FOXN1: variants seen among roughly 807,000 people sequenced by gnomAD.
The protein encoded by FOXN1 is forkhead box protein N1.
Under a neutral mutation model 49.0 loss-of-function variants are expected in FOXN1, and 15 were observed. That is an observed-to-expected ratio of 0.31 (90% confidence interval 0.20 to 0.47). The LOEUF is 0.47. Among genes scored for constraint, FOXN1 ranks in the 20% least tolerant of loss-of-function variants. FOXN1 has a pLI of 1.00. For missense variants in FOXN1, 800 were observed against 842.8 expected, an observed-to-expected ratio of 0.95 and a Z score of 0.63; for synonymous variants, 356 against 369.0, an observed-to-expected ratio of 0.96 and a Z score of 0.40.
chr17:28,528,612 G>A (rs904721287), intron 4 of FOXN1, among the ~76,000 whole-genome samples: 18 of 152,048 alleles, frequency 1.2e-4, no homozygotes, highest in Admixed American at 3.9e-4. Context: ...TCCCTTTGCC[G>A]TAAAACCACC....
intron 1 of FOXN1, among the ~76,000 whole-genome samples, chr17:28,515,357 C>T (rs2069473574): frequency 1.3e-5 from 2 of 150,682 alleles, no homozygotes; most frequent in African/African-American, 2.4e-5. Flanking sequence ...CCACAGAGTA[C>T]ACCCCTTCAT....
Position 28,524,987 on chromosome 17 carries a change from G to T in FOXN1, c.588+20G>T, listed in dbSNP as rs1487795944. The T allele has an allele frequency of 2.6e-6, 4 of 1,558,958 alleles. No individual in the cohort carries two copies. Among genetic ancestry groups the T allele is most frequent in the Non-Finnish European group, 3.5e-6 (4 of 1,139,144 alleles). On this transcript the variant is annotated intron_variant, in intron 3 of 8. Transcript: ENST00000579795. ...GTCCTGGTGAGTACTAGTGGCCAGC[G>T]AGTGTCCCATCTTCCCACTGTCCCA... is the stretch of plus-strand genomic sequence containing the variant.
chr17:28,533,257 G>A (rs530277621), intron 6 of FOXN1, among the ~76,000 whole-genome samples: 27 of 152,262 alleles, frequency 1.8e-4, no homozygotes, highest in African/African-American at 6.3e-4. Context: ...GAGCCCCACC[G>A]GCCAGAGCGA....
intron 1 of FOXN1, among the ~76,000 whole-genome samples, chr17:28,523,605 A>G (rs2069686856): frequency 6.6e-6 from 1 of 152,176 alleles, no homozygotes; most frequent in African/African-American, 2.4e-5. Context: ...TTGAGGAGCC[A>G]GAGGCAGAGC....
chr17:28,509,403 A>G (rs1439253021), intron 1 of FOXN1, among the ~76,000 whole-genome samples: 1 of 149,182 alleles, frequency 6.7e-6, no homozygotes, highest in East Asian at 2.0e-4. Context: ...CCCACCTCCA[A>G]CCACACTCCT....
chr17:28,512,667 A>T (rs1351019539), intron 1 of FOXN1, among the ~76,000 whole-genome samples: 10 of 152,160 alleles, frequency 6.6e-5, no homozygotes, highest in African/African-American at 2.4e-4. Context: ...AGGGGGTTTT[A>T]TGTTTTTGGA....
At position 28,524,545 on chromosome 17, in the gene FOXN1, C is replaced by T; in HGVS notation, c.166C>T (p.Pro56Ser). ...CTGCTCGTCATTTGTGTCCGACGGCCCTCCAGAGAGGACACCCTCACTGCC... is the reference window on the plus strand; with the variant it reads ...CTGCTCGTCATTTGTGTCCGACGGCTCTCCAGAGAGGACACCCTCACTGCC... ...FSCSSFVSDGPPERTPSLPPH... is the reference protein window; with the variant it reads ...FSCSSFVSDGSPERTPSLPPH... The change falls in exon 3 of 9, where the codon CCT becomes TCT. Residue 56 changes from proline (P) to serine (S), a missense_variant. By Grantham distance (74) the Pro-to-Ser change is moderately conservative. Transcript: ENST00000579795. The T allele has an allele frequency of 1.2e-6, 2 of 1,613,760 alleles. No individual in the cohort carries two copies. The highest frequency in any genetic ancestry group is 1.6e-4 in the Middle Eastern group (1 of 6,062).
chr17:28,513,280 C>CA (rs1300762128), intron 1 of FOXN1, among the ~76,000 whole-genome samples: 20 of 151,826 alleles, frequency 1.3e-4, no homozygotes, highest in African/African-American at 2.9e-4. Flanking sequence ...AACAAACAAA[C>CA]AAAAAAAACC....
intron 1 of FOXN1, among the ~76,000 whole-genome samples, chr17:28,519,914 C>T (rs1282822553): frequency 1.3e-5 from 2 of 152,138 alleles, no homozygotes; most frequent in Middle Eastern, 3.2e-3. Flanking sequence ...GGGGAGTTCC[C>T]TTCCTGATGC....
rs576060944 is a variant in FOXN1, at chr17:28,516,090, G to T, written c.-14-7866G>T. On this transcript the variant is annotated intron_variant, in intron 1 of 8. Coordinates refer to ENST00000579795, the MANE Select transcript of FOXN1 (RefSeq NM_001369369.1). ...CTCCACAGGATCCATACCTCCACAG[G>T]GTACACATCTCCACAGGGTACACAC... Among the ~76,000 whole-genome samples, 7 of 148,314 alleles carry T rather than the reference G, an allele frequency of 4.7e-5. No individual in the cohort carries two copies. The South Asian group carries it at 1.3e-3, about 27-fold the overall frequency.
intron 1 of FOXN1, among the ~76,000 whole-genome samples, chr17:28,514,650 C>A (rs1173024200): frequency 6.6e-6 from 1 of 152,136 alleles, no homozygotes; most frequent in South Asian, 2.1e-4. Flanking sequence ...GCCGGCCGAG[C>A]CCCACCCCTC....
chr17:28,533,275 A>C (rs1459490357), intron 6 of FOXN1, among the ~76,000 whole-genome samples: 1 of 152,118 alleles, frequency 6.6e-6, no homozygotes, highest in African/African-American at 2.4e-5. Flanking sequence ...CGAGTGCCCT[A>C]CCCACAGTCA....
In FOXN1 at chr17:28,527,342, C is replaced by T; in HGVS notation, c.680C>T (p.Ser227Phe). 1 of 1,610,922 alleles carries T rather than the reference C, an allele frequency of 6.2e-7. No homozygotes were observed. Among genetic ancestry groups the T allele is most frequent in the Non-Finnish European group, 8.5e-7 (1 of 1,177,422 alleles). The change falls in exon 4 of 9, where the codon TCC (serine) becomes TTC (phenylalanine). Residue 227 changes from serine to phenylalanine, a missense_variant. Physicochemically the swap from Ser to Phe is radical, Grantham distance 155 (BLOSUM62 -2). This residue lies in a region of FOXN1 where 383 missense variants were observed against 357.9 expected (regional missense o/e 1.07). Coordinates refer to ENST00000579795, the MANE Select transcript of FOXN1 (RefSeq NM_001369369.1). ...QPPLQHMYCS[S>F]QPPFHQYSPG... is the part of the protein sequence containing the mutation. ...CCCTTGCAGCATATGTACTGCTCCT[C>T]CCAGCCCCCCTTCCACCAGGTGGGT...
rs2070017513 is a variant in FOXN1, at chr17:28,534,906, G to C, written c.1335G>C (p.Gly445=). The C allele has an allele frequency of 3.1e-6, 5 of 1,614,016 alleles. No individual in the cohort carries two copies. The South Asian group carries it at 3.3e-5, about 11-fold the overall frequency. The part of the protein sequence containing the change: ...GKNPLQDLLM[G]HTPSCYGQTY... ...ACCCCCTGCAGGACCTACTTATGGGGCACACACCCTCCTGCTATGGGCAGA... is the reference window on the plus strand; with the variant it reads ...ACCCCCTGCAGGACCTACTTATGGGCCACACACCCTCCTGCTATGGGCAGA... Residue 445 remains glycine, a synonymous_variant, in exon 8 of 9, where the codon GGG becomes GGC. Transcript: ENST00000579795. This position sits in a 1 kb window ranked among gnomAD's most constrained non-coding sequence, Gnocchi z 4.1.
chr17:28,507,278 G>T (rs2069283827), intron 1 of FOXN1, among the ~76,000 whole-genome samples: 1 of 152,174 alleles, frequency 6.6e-6, no homozygotes, highest in Non-Finnish European at 1.5e-5. Flanking sequence ...GCTCAGATAA[G>T]GTTCTGGCAT....
chr17:28,537,034 T>C, intron 8 of FOXN1, 83 bp from the exon 9 acceptor site: 1 of 1,033,228 alleles, frequency 9.7e-7, no homozygotes, highest in Non-Finnish European at 1.5e-6. Flanking sequence ...CTCTGCAGCA[T>C]GTGAAGATTG....
chr17:28,537,656 C>G lies in FOXN1; in HGVS notation c.*220C>G. ...GCCACGTGGTGGCCCAGCTCCTCAC[C>G]CAGGGCCCCCAAAGAGCAAGCGTCT... On this transcript the variant is annotated 3_prime_UTR_variant, in exon 9 of 9. Coordinates refer to ENST00000579795, the MANE Select transcript of FOXN1 (RefSeq NM_001369369.1). The G allele has an allele frequency of 1.6e-6, 1 of 617,866 alleles. No individual in the cohort carries two copies. Among genetic ancestry groups the G allele is most frequent in the Non-Finnish European group, 2.9e-6 (1 of 341,928 alleles). 38.3% of individuals were successfully genotyped at this position (617,866 alleles called of 1,614,324 possible).
chr17:28,521,070 C>T (rs916209778), intron 1 of FOXN1, among the ~76,000 whole-genome samples: 1 of 152,232 alleles, frequency 6.6e-6, no homozygotes, highest in African/African-American at 2.4e-5. Context: ...GAGCATTTTC[C>T]CTGTGCCAGC....
intron 6 of FOXN1, among the ~76,000 whole-genome samples, chr17:28,531,459 C>G (rs1390798557): frequency 6.6e-6 from 1 of 152,162 alleles, no homozygotes; most frequent in Non-Finnish European, 1.5e-5. Context: ...GGGAGCCTTA[C>G]CCAGCTCCCT....
Sources: allele counts gnomAD v4.1 joint callset (sites outside exome capture counted in the v4.1 genomes callset), GRCh38; gene constraint gnomAD v4.1.1; regional missense constraint gnomAD v4.1.1; non-coding constraint Gnocchi (gnomAD v3.1); transcripts MANE v1.5; gene names NCBI Gene and HGNC (gene_info 2026-07-23, HGNC 2026-07-21).